The following RUFY4 variants were observed in gnomAD, a reference collection of about 807,000 sequenced individuals.
The protein encoded by RUFY4 is RUN and FYVE domain containing 4.
In RUFY4, 73 loss-of-function variants were observed where a neutral mutation model predicts 69.0. That is an observed-to-expected ratio of 1.06 (90% CI 0.88 to 1.29). The LOEUF (loss-of-function observed/expected upper bound fraction) is 1.29. Ranked by LOEUF, RUFY4 falls within the 50% of genes most tolerant of loss-of-function variation. RUFY4 has a pLI of 0.00. For missense variants in RUFY4, 770 were observed against 705.6 expected, an observed-to-expected ratio of 1.09 and a Z score of -1.03; for synonymous variants, 287 against 271.8, an observed-to-expected ratio of 1.06 and a Z score of -0.55.
intron 2 of RUFY4, among the ~76,000 whole-genome samples, chr2:218,037,739 T>A (rs1282432763): frequency 6.6e-6 from 1 of 152,196 alleles, no homozygotes; most frequent in Admixed American, 6.5e-5. Context: ...CCCAATACTG[T>A]CAATATATCC....
At chr2:218,085,096 C>CA (rs1004453278) in intron 9 of RUFY4, among the ~76,000 whole-genome samples, 2 of 152,032 alleles carry the variant, frequency 1.3e-5, no homozygotes, top group African/African-American at 2.4e-5. Flanking sequence ...TAATAGAAAA[C>CA]AAAACGTATA....
intron 2 of RUFY4, among the ~76,000 whole-genome samples, chr2:218,055,164 G>T (rs1272936484): frequency 5.3e-5 from 8 of 152,162 alleles, no homozygotes. Flanking sequence ...GGAGGCTGAG[G>T]CAGGCAGATC....
At chr2:218,063,005 GTTC>G (rs1689237465) in intron 3 of RUFY4, among the ~76,000 whole-genome samples, 2 of 152,210 alleles carry the variant, frequency 1.3e-5, no homozygotes, top group East Asian at 3.9e-4. Flanking sequence ...TGACTCCCCT[GTTC>G]TTCTCATTCA....
intron 2 of RUFY4, among the ~76,000 whole-genome samples, chr2:218,041,828 C>A (rs1043518870): frequency 6.6e-6 from 1 of 152,188 alleles, no homozygotes; most frequent in East Asian, 1.9e-4. Context: ...ATTCCTGAGG[C>A]CTGATCTCAA....
At chr2:218,090,045 G>T (rs1054274886) in exon 11 of RUFY4, 1 of 1,543,028 alleles carries the variant, frequency 6.5e-7, no homozygotes, top group Admixed American at 1.9e-5. Flanking sequence ...GAGAAGCCCA[G>T]GTCACCTGAC....
At chr2:218,050,882 C>T (rs977722600) in intron 2 of RUFY4, among the ~76,000 whole-genome samples, 15 of 151,948 alleles carry the variant, frequency 9.9e-5, no homozygotes, top group African/African-American at 2.4e-4. Context: ...TCTCAGTTTT[C>T]AAGAGTAATC....
chr2:218,072,730 GC>G, intron 3 of RUFY4, 48 bp from the exon 6 acceptor site: 22 of 1,399,014 alleles, frequency 1.6e-5, no homozygotes, highest in Non-Finnish European at 2.0e-5. Context: ...TTACCTGGGC[GC>G]CCTTTGTCCT....
exon 7 of RUFY4, chr2:218,075,534 C>T (rs1297218634): frequency 1.2e-5 from 18 of 1,549,060 alleles, no homozygotes; most frequent in South Asian, 2.5e-5. Flanking sequence ...GCTGCTGATG[C>T]CCAGCCCCAG....
In RUFY4 at chr2:218,083,609, A is replaced by G. The variant is rs561485140; in HGVS notation, c.1502+353A>G. Among the ~76,000 whole-genome samples, 4 of 152,176 alleles carry G rather than the reference A, an allele frequency of 2.6e-5. No homozygotes were observed. The East Asian group carries it at 7.7e-4, about 29-fold the overall frequency. ...CTAAAAATACAAAAATTAGCCAGAC[A>G]TGGTGACGTGTGCCTGTAGTCCCAG... On this transcript the variant is annotated intron_variant, in intron 9 of 10. Coordinates refer to ENST00000344321, the Ensembl canonical transcript of RUFY4.
rs760925181 is a variant in RUFY4 at position 218,076,548 on chromosome 2, C to T, written c.1355+15C>T. 7.1e-6 allele frequency: 11 copies of T among 1,549,438 alleles called. No homozygotes were observed. The South Asian group carries it at 1.3e-4, about 18-fold the overall frequency. On this transcript the variant is annotated intron_variant, in intron 8 of 10. Coordinates refer to ENST00000344321, the Ensembl canonical transcript of RUFY4. ...CAGCTCAGCAGGTAACCTTGGCAACCCACAGCACAGGGCACCTGGAAGTGC... is the reference window on the plus strand; with the variant it reads ...CAGCTCAGCAGGTAACCTTGGCAACTCACAGCACAGGGCACCTGGAAGTGC...
intron 2 of RUFY4, among the ~76,000 whole-genome samples, chr2:218,040,868 T>C (rs547566841): frequency 1.3e-5 from 2 of 152,074 alleles, no homozygotes; most frequent in East Asian, 3.9e-4. Context: ...TCTATAGGGG[T>C]ACGAGACCCC....
chr2:218,083,950 G>A (rs1185184967), intron 9 of RUFY4, among the ~76,000 whole-genome samples: 1 of 151,606 alleles, frequency 6.6e-6, no homozygotes, highest in Non-Finnish European at 1.5e-5. Flanking sequence ...AGGTGATCAC[G>A]TGTCCTACAC....
chr2:218,058,729 G>A (rs1242153604), intron 3 of RUFY4: 1 of 152,248 alleles, frequency 6.6e-6, no homozygotes, highest in South Asian at 2.1e-4. Flanking sequence ...GTGTGCTTGT[G>A]GGGGAGAGAG....
At chr2:218,075,156 A>G in exon 7 of RUFY4, 2 of 1,555,406 alleles carry the variant, frequency 1.3e-6, no homozygotes, top group South Asian at 1.2e-5. Context: ...CAGTCAAGCC[A>G]TCTGTCTGCA....
intron 2 of RUFY4, among the ~76,000 whole-genome samples, chr2:218,040,800 G>C (rs1159088740): frequency 6.6e-6 from 1 of 152,100 alleles, no homozygotes; most frequent in Non-Finnish European, 1.5e-5. Flanking sequence ...CCTCAGGTCT[G>C]GCAGCAAATA....
chr2:218,071,888 T>A (rs1219511731), intron 2 of RUFY4, among the ~76,000 whole-genome samples: 1 of 152,096 alleles, frequency 6.6e-6, no homozygotes, highest in Admixed American at 6.5e-5. Context: ...CTCAGCCCCA[T>A]CCCTGGGGCT....
intron 2 of RUFY4, 114 bp from the exon 5 acceptor site, chr2:218,072,260 G>A: frequency 3.8e-6 from 5 of 1,308,578 alleles, no homozygotes; most frequent in Non-Finnish European, 5.2e-6. Flanking sequence ...CTGGATGCCG[G>A]GTGTGTCTGC....
At chr2:218,065,267 G>C (rs1689296867), upstream of RUFY4, among the ~76,000 whole-genome samples, 1 of 152,166 alleles carries the variant, frequency 6.6e-6, no homozygotes, top group Non-Finnish European at 1.5e-5. Context: ...GAGGAGGGGT[G>C]GGGGGAGAGG....
Position 218,083,205 on chromosome 2 carries a change from G to A in RUFY4, c.1451G>A (p.Gly484Glu), listed in dbSNP as rs1261223035. ...GCCATGTACCAGGAGGAGCTTGGAG[G>A]GCAGCGGGACTTGGTCCAGGCCATG... Residue 484 changes from glycine (G) to glutamate (E), a missense_variant, in exon 9 of 11, where the codon GGG (glycine) becomes GAG (glutamate). Coordinates refer to ENST00000344321, the Ensembl canonical transcript of RUFY4. 16 of 1,613,248 alleles carry A rather than the reference G, an allele frequency of 9.9e-6. No individual in the cohort carries two copies. The highest frequency in any genetic ancestry group is 1.3e-5 in the African/African-American group (1 of 74,844).
Sources: allele counts gnomAD v4.1 joint callset (sites outside exome capture counted in the v4.1 genomes callset), GRCh38; gene constraint gnomAD v4.1.1; transcripts MANE v1.5; gene names NCBI Gene and HGNC (gene_info 2026-07-23, HGNC 2026-07-21).